Variants in SLC14A2 observed in about 807,000 individuals in gnomAD.
SLC14A2 encodes the protein solute carrier family 14 member 2, also known as urea transporter 2.
In SLC14A2, 91 loss-of-function variants were observed where a neutral mutation model predicts 104.6. The observed-to-expected ratio is 0.87, with a 90% CI of 0.73 to 1.04. The LOEUF (loss-of-function observed/expected upper bound fraction) is 1.04, where lower values mean the gene tolerates loss of function less well. SLC14A2 is among the 50% of genes least tolerant of loss of function. The pLI, the probability that SLC14A2 is intolerant of heterozygous loss-of-function variation, is 0.00. For missense variants in SLC14A2, 1,189 were observed against 1,156.0 expected, an observed-to-expected ratio of 1.03 and a Z score of -0.41; for synonymous variants, 476 against 466.4, an observed-to-expected ratio of 1.02 and a Z score of -0.27.
At chr18:45,190,051 G>A in the SLC14A2 span, among the ~76,000 whole-genome samples, 1 of 152,182 alleles carries the variant, frequency 6.6e-6, no homozygotes, top group Non-Finnish European at 1.5e-5. Context: ...ACACAGGTCT[G>A]TAAGCAACAT....
upstream of SLC14A2, among the ~76,000 whole-genome samples, chr18:45,613,801 CAG>C (rs1320678379): frequency 2.0e-5 from 3 of 152,230 alleles, no homozygotes; most frequent in Non-Finnish European, 4.4e-5. Context: ...TATGCATTTA[CAG>C]AGAGATTGTT....
rs185936578 is a variant in SLC14A2, at chr18:45,620,463, C to G, written c.-34-4168C>G. ...ATTTATCTGTAAATGGAAATATTGT[C>G]TGCATACAGAAGGGACTCAAAGGTG... On this transcript the variant is annotated intron_variant, in intron 1 of 19. Coordinates refer to ENST00000255226, the MANE Select transcript of SLC14A2 (RefSeq NM_007163.4). Among the ~76,000 whole-genome samples the G allele has an allele frequency of 1.1e-4, 17 of 152,318 alleles. No individual in the cohort carries two copies. The East Asian group carries it at 3.1e-3, about 28-fold the overall frequency.
intron 1 of SLC14A2, among the ~76,000 whole-genome samples, chr18:45,294,840 G>A (rs2144175834): frequency 6.6e-6 from 1 of 152,284 alleles, no homozygotes. Flanking sequence ...CTCAGTTTTT[G>A]ACAAACACAT....
At chr18:45,450,376 TTTC>T (rs2086838661) in intron 1 of SLC14A2, among the ~76,000 whole-genome samples, 1 of 152,214 alleles carries the variant, frequency 6.6e-6, no homozygotes, top group African/African-American at 2.4e-5. Context: ...AGGGTCAACA[TTTC>T]TTCTTGGCCT....
intron 1 of SLC14A2, among the ~76,000 whole-genome samples, chr18:45,348,686 A>G (rs551405483): frequency 1.3e-5 from 2 of 152,340 alleles, no homozygotes; most frequent in East Asian, 1.9e-4. Context: ...GCCATATCCA[A>G]TCTTGGATGG....
intron 1 of SLC14A2, chr18:45,424,252 A>G (rs1332153955): frequency 6.6e-6 from 1 of 152,282 alleles, no homozygotes; most frequent in Non-Finnish European, 1.5e-5. Context: ...ATCCAGTTCT[A>G]ACTTTGCCAT....
At chr18:45,476,391 T>G (rs2087381065) in intron 1 of SLC14A2, among the ~76,000 whole-genome samples, 1 of 152,204 alleles carries the variant, frequency 6.6e-6, no homozygotes, top group Admixed American at 6.5e-5. Context: ...AACCCGACCT[T>G]TCTCTCTGAC....
Position 45,279,864 on chromosome 18 carries a change from C to T in SLC14A2, c.-125+66673C>T, listed in dbSNP as rs557111888. Among the ~76,000 whole-genome samples the T allele has an allele frequency of 1.5e-4, 23 of 152,188 alleles. 1 individual carries two copies. Among genetic ancestry groups the T allele is most frequent in the South Asian group, 1.5e-3 (7 of 4,810 alleles). ...CTCTGCAAGACATTTAATAAGTAAC[C>T]TCAGCACTGTTCACATTCTAGGCTG... On this transcript the variant is annotated intron_variant, in intron 1 of 20. Transcript: ENST00000586448.
intron 1 of SLC14A2, among the ~76,000 whole-genome samples, chr18:45,416,415 T>C (rs1255480734): frequency 6.6e-6 from 1 of 152,142 alleles, no homozygotes; most frequent in Non-Finnish European, 1.5e-5. Flanking sequence ...CACTGTACGC[T>C]CTTTGGCTAA....
intron 1 of SLC14A2, among the ~76,000 whole-genome samples, chr18:45,312,415 C>G (rs1018471294): frequency 6.6e-6 from 1 of 151,532 alleles, no homozygotes; most frequent in African/African-American, 2.4e-5. Context: ...TTCAAAATGA[C>G]AGCAGCTTCG....
At chr18:45,280,274 A>C (rs1425336936) in intron 1 of SLC14A2, among the ~76,000 whole-genome samples, 1 of 152,150 alleles carries the variant, frequency 6.6e-6, no homozygotes, top group African/African-American at 2.4e-5. Context: ...AACAGGAATC[A>C]CAACAAAGAC....
intron 19 of SLC14A2, among the ~76,000 whole-genome samples, chr18:45,680,114 C>T (rs2046290154): frequency 6.6e-6 from 1 of 152,152 alleles, no homozygotes; most frequent in Non-Finnish European, 1.5e-5. Context: ...GCATCAGAAA[C>T]TCTGAGGGGG....
At chr18:45,579,387 A>G (rs1451908507) in intron 2 of SLC14A2, among the ~76,000 whole-genome samples, 1 of 152,214 alleles carries the variant, frequency 6.6e-6, no homozygotes, top group Non-Finnish European at 1.5e-5. Flanking sequence ...GATAAATATT[A>G]CCATGGAAGA....
At chr18:45,556,238 T>C (rs935482286) in intron 2 of SLC14A2, among the ~76,000 whole-genome samples, 2 of 152,190 alleles carry the variant, frequency 1.3e-5, no homozygotes, top group African/African-American at 2.4e-5. Flanking sequence ...ACCTTGAAAG[T>C]TGGGATTTCA....
intron 1 of SLC14A2, among the ~76,000 whole-genome samples, chr18:45,370,445 C>A (rs996090332): frequency 6.6e-6 from 1 of 152,040 alleles, no homozygotes; most frequent in Non-Finnish European, 1.5e-5. Flanking sequence ...AGAAAAGAGC[C>A]GGAAAAGGTC....
chr18:45,239,609 T>C (rs2084290308), intron 1 of SLC14A2, among the ~76,000 whole-genome samples: 1 of 152,148 alleles, frequency 6.6e-6, no homozygotes, highest in Admixed American at 6.5e-5. Context: ...TAAAAGATCA[T>C]AGACAAAAAC....
intron 1 of SLC14A2, among the ~76,000 whole-genome samples, chr18:45,452,038 A>G (rs980603708): frequency 4.6e-5 from 7 of 151,838 alleles, no homozygotes; most frequent in African/African-American, 1.7e-4. Flanking sequence ...TTTCAAATCA[A>G]AAATATGGGG....
intron 1 of SLC14A2, among the ~76,000 whole-genome samples, chr18:45,362,652 G>A (rs1568167662): frequency 6.6e-6 from 1 of 152,140 alleles, no homozygotes; most frequent in African/African-American, 2.4e-5. Context: ...AAAATCAGAG[G>A]ATTTAGGGCA....
In SLC14A2 at chr18:45,682,373, C is replaced by G. The variant is rs2046322876; in HGVS notation, c.2617C>G (p.Leu873Val). ...CTGTCTCTCAGCTCTCACCTTCCTGCTCCTGACGACCAATAACCCCGCCAT... is the reference window on the plus strand; with the variant it reads ...CTGTCTCTCAGCTCTCACCTTCCTGGTCCTGACGACCAATAACCCCGCCAT... The part of the protein sequence containing the change: ...PFCLSALTFL[L>V]LTTNNPAIYK... Residue 873 changes from leucine (L) to valine (V), a missense_variant, in exon 20 of 20, where the codon CTC becomes GTC. Leu to Val is a conservative substitution (Grantham distance 32). Coordinates refer to ENST00000255226, the MANE Select transcript of SLC14A2 (RefSeq NM_007163.4). The G allele has an allele frequency of 1.2e-6, 2 of 1,614,194 alleles. No homozygotes were observed. Among genetic ancestry groups the G allele is most frequent in the East Asian group, 4.5e-5 (2 of 44,880 alleles).
Sources: gnomAD v4.1 joint callset for allele counts (sites outside exome capture counted in the v4.1 genomes callset) on GRCh38, gnomAD v4.1.1 for gene constraint, MANE v1.5 for transcripts, NCBI Gene and HGNC (gene_info 2026-07-23, HGNC 2026-07-21) for gene names.